FAM13B: variants seen among roughly 807,000 people sequenced by gnomAD.
The protein encoded by FAM13B is protein FAM13B.
Under a neutral mutation model 117.3 loss-of-function variants are expected in FAM13B, and 60 were observed. That is an observed-to-expected ratio of 0.51 (90% CI 0.42 to 0.63). The LOEUF is 0.63. Among genes scored for constraint, FAM13B ranks in the 30% least tolerant of loss-of-function variants. FAM13B has a pLI of 0.00. For missense variants in FAM13B, 972 were observed against 1,091.9 expected (o/e 0.89, Z 1.55); for synonymous variants, 332 against 356.1 (o/e 0.93, Z 0.76).
At chr5:137,975,205 A>C (rs1773559902) in intron 10 of FAM13B, among the ~76,000 whole-genome samples, 1 of 152,144 alleles carries the variant, frequency 6.6e-6, no homozygotes, top group African/African-American at 2.4e-5. Flanking sequence ...AATACACTTG[A>C]AACTCATACA....
intron 7 of FAM13B, among the ~76,000 whole-genome samples, chr5:137,991,666 A>G (rs954030260): frequency 5.3e-5 from 8 of 152,248 alleles, no homozygotes; most frequent in African/African-American, 1.9e-4. Context: ...GGTTGTGTAC[A>G]GAAAGCAGGG....
At chr5:138,006,570 T>C (rs532461525) in intron 7 of FAM13B, among the ~76,000 whole-genome samples, 113 of 152,332 alleles carry the variant, frequency 7.4e-4, no homozygotes, top group Middle Eastern at 3.4e-3. Context: ...TATCATTTTG[T>C]ACATGAAAAG....
chr5:138,035,527 C>G (rs1376116440), upstream of FAM13B, among the ~76,000 whole-genome samples: 1 of 152,132 alleles, frequency 6.6e-6, no homozygotes, highest in Non-Finnish European at 1.5e-5. Flanking sequence ...TTTTGCCATG[C>G]CTTTCAATTT....
chr5:137,950,202 T>G lies in FAM13B; in HGVS notation c.1931-1018A>C, dbSNP rs565802141. On this transcript the variant is annotated intron_variant, in intron 17 of 23. Transcript: ENST00000689681. ...GATCTATAGGTAAAACAGGGTAGAG[T>G]CACAGCGCTAAAAGGAGTATAATTT... 1.4e-3 allele frequency among the ~76,000 whole-genome samples: 218 copies of G among 152,098 alleles called. 2 individuals are homozygous for G. The highest frequency in any genetic ancestry group is 6.6e-4 in the Non-Finnish European group (45 of 67,992).
intron 4 of FAM13B, among the ~76,000 whole-genome samples, chr5:138,017,800 A>G (rs1377931746): frequency 6.6e-6 from 1 of 152,170 alleles, no homozygotes; most frequent in Admixed American, 6.5e-5. Flanking sequence ...CTAATGTTCA[A>G]TTTGATATTC....
rs1363079630 is a variant in FAM13B, at chr5:138,002,690, G to A, written c.848+4300C>T. On this transcript the variant is annotated intron_variant, in intron 7 of 23. Transcript: ENST00000689681. The stretch of plus-strand genomic sequence containing the variant: ...TTTTTTTTTTTTTTTTTTTGAGACA[G>A]AATCTCACTTTGTCACCCAGGCTGG... Among the ~76,000 whole-genome samples the A allele has an allele frequency of 1.0e-4, 10 of 99,632 alleles. No individual in the cohort carries two copies. The South Asian group carries it at 1.3e-3, about 13-fold the overall frequency. The allele number at this position is 99,632 out of a possible 152,430, so 65.4% of individuals were successfully genotyped here.
In FAM13B at chr5:137,946,277, G is replaced by A. The variant is rs1406281554; in HGVS notation, c.2195C>T (p.Ala732Val). The A allele has an allele frequency of 1.3e-6, 2 of 1,584,330 alleles. No individual in the cohort carries two copies. The highest frequency in any genetic ancestry group is 2.4e-5 in the South Asian group (2 of 83,394). Residue 732 changes from alanine (A) to valine (V), a missense_variant, in exon 19 of 24, where the codon GCT (alanine) becomes GTT (valine). By Grantham distance (64) the Ala-to-Val change is moderately conservative (BLOSUM62 0). Coordinates refer to ENST00000689681, the MANE Select transcript of FAM13B (RefSeq NM_001385994.1). ...GTAAAGAAGACTTTTCTGAAGAGAA[G>A]CTTTCTCTTCTACCAAATGATCTTT... ...MTKDHLVEEKASLQKSLLYYE... is the reference protein window; with the variant it reads ...MTKDHLVEEKVSLQKSLLYYE...
At chr5:138,050,856 C>G (rs1401619078) in intron 1 of FAM13B, among the ~76,000 whole-genome samples, 2 of 152,176 alleles carry the variant, frequency 1.3e-5, no homozygotes, top group African/African-American at 2.4e-5. Flanking sequence ...GAGGGCCTTA[C>G]AGATAGTCTA....
rs567863456 is a variant in FAM13B, at chr5:138,045,945, C to CAA, written c.-203+5931_-203+5932dup. On this transcript the variant is annotated intron_variant, in intron 1 of 3. Coordinates refer to the FAM13B transcript ENST00000502471. ...GGGCAACAAGAGTGAAATTCCATCT[C>CAA]AAAAAAAAAAAAAAATTATAAAGAG... Among the ~76,000 whole-genome samples the CAA allele has an allele frequency of 8.3e-3, 1,177 of 141,744 alleles. 11 individuals carry two copies. Among genetic ancestry groups the CAA allele is most frequent in the Middle Eastern group, 0.018 (5 of 278 alleles). 93.0% of individuals were successfully genotyped at this position (141,744 alleles called of 152,430 possible). A position where few individuals can be genotyped will look rare whatever the true frequency, so the allele number is the denominator to read the frequency against.
intron 22 of FAM13B, 79 bp downstream of exon 22, chr5:137,942,796 A>G (rs1170358664): frequency 1.6e-6 from 2 of 1,263,844 alleles, no homozygotes; most frequent in Non-Finnish European, 2.2e-6. Flanking sequence ...TAATTCCTTA[A>G]TACTCATTTA....
At position 137,943,123 on chromosome 5, in the gene FAM13B, A is replaced by C; in HGVS notation, c.2424+10T>G. 6.2e-7 allele frequency: 1 copy of C among 1,613,782 alleles called. No individual in the cohort carries two copies. The highest frequency in any genetic ancestry group is 8.5e-7 in the Non-Finnish European group (1 of 1,179,702). ...GAAGGGATCAGATAATTATTTCTTT[A>C]AAGGATTACCTTGATTTCTTCAAAA... On this transcript the variant is annotated intron_variant, in intron 21 of 23. Coordinates refer to ENST00000689681, the MANE Select transcript of FAM13B (RefSeq NM_001385994.1).
intron 7 of FAM13B, among the ~76,000 whole-genome samples, chr5:138,001,473 T>C (rs555234152): frequency 6.6e-6 from 1 of 152,314 alleles, no homozygotes; most frequent in South Asian, 2.1e-4. Context: ...GTAATTTTAA[T>C]CATATTAAAT....
At chr5:137,948,083 T>A (rs1483051546) in intron 18 of FAM13B, among the ~76,000 whole-genome samples, 12 of 151,836 alleles carry the variant, frequency 7.9e-5, no homozygotes, top group African/African-American at 2.2e-4. Context: ...CTCTCCATTC[T>A]CCAAGCAAAT....
intron 10 of FAM13B, among the ~76,000 whole-genome samples, chr5:137,983,392 T>A (rs944111866): frequency 3.3e-5 from 5 of 152,002 alleles, no homozygotes; most frequent in Non-Finnish European, 7.4e-5. Flanking sequence ...GCAGTGAATT[T>A]AAGAGAGAAT....
At chr5:137,941,699 C>G (rs1329252907) in intron 23 of FAM13B, among the ~76,000 whole-genome samples, 3 of 152,200 alleles carry the variant, frequency 2.0e-5, no homozygotes, top group African/African-American at 2.4e-5. Flanking sequence ...TATAAAATCA[C>G]TGCAATACAA....
chr5:137,968,890 C>G (rs10038544), intron 10 of FAM13B, among the ~76,000 whole-genome samples: 1 of 152,196 alleles, frequency 6.6e-6, no homozygotes, highest in African/African-American at 2.4e-5. Flanking sequence ...CTGAATACTA[C>G]GCTTTTCCGA....
chr5:137,968,991 G>A (rs1255058587), intron 10 of FAM13B, among the ~76,000 whole-genome samples: 4 of 152,208 alleles, frequency 2.6e-5, no homozygotes, highest in African/African-American at 9.7e-5. Flanking sequence ...TGCTACCACA[G>A]CAGTCTGAGA....
At chr5:138,035,346 G>A (rs1791058581), upstream of FAM13B, among the ~76,000 whole-genome samples, 1 of 151,650 alleles carries the variant, frequency 6.6e-6, no homozygotes, top group African/African-American at 2.4e-5. Flanking sequence ...ACAAAGTATG[G>A]GATCTCAAAA....
intron 10 of FAM13B, among the ~76,000 whole-genome samples, chr5:137,982,161 C>T (rs1236505801): frequency 1.3e-5 from 2 of 152,094 alleles, no homozygotes; most frequent in African/African-American, 4.8e-5. Flanking sequence ...CATCAAGAAA[C>T]AAAGATGAGG....
Sources: allele counts gnomAD v4.1 joint callset (sites outside exome capture counted in the v4.1 genomes callset), GRCh38; gene constraint gnomAD v4.1.1; transcripts MANE v1.5; gene names NCBI Gene and HGNC (gene_info 2026-07-23, HGNC 2026-07-21).